Variants in WLS observed in about 807,000 individuals in gnomAD.
WLS encodes Wnt ligand secretion mediator, also known as protein wntless homolog.
WLS carries 23 observed loss-of-function variants against 62.8 expected under a neutral mutation model. The observed-to-expected ratio is 0.37, with a 90% CI of 0.26 to 0.52. The LOEUF (loss-of-function observed/expected upper bound fraction) is 0.52, where lower values mean the gene tolerates loss of function less well. WLS is among the 20% of genes least tolerant of loss of function. WLS has a pLI of 0.92. For missense variants in WLS, 615 were observed against 697.3 expected (o/e 0.88, Z 1.33); for synonymous variants, 246 against 244.1 (o/e 1.01, Z -0.07).
chr1:68,114,389 G>C (rs1007446049), intron 11 of WLS, among the ~76,000 whole-genome samples: 1 of 152,252 alleles, frequency 6.6e-6, no homozygotes, highest in South Asian at 2.1e-4. Context: ...GTCATTTCAT[G>C]GGCTATATAT....
At chr1:68,184,515 T>C (rs1206937921) in intron 2 of WLS, among the ~76,000 whole-genome samples, 2 of 152,220 alleles carry the variant, frequency 1.3e-5, no homozygotes, top group Admixed American at 1.3e-4. Flanking sequence ...TACCATCAGG[T>C]AAATAATCAT....
rs1325236247 is a variant in WLS at position 68,194,135 on chromosome 1, C to T, written c.199G>A (p.Gly67Arg). 3.1e-6 allele frequency: 5 copies of T among 1,614,126 alleles called. No individual in the cohort carries two copies. The highest frequency in any genetic ancestry group is 4.2e-6 in the Non-Finnish European group (5 of 1,180,032). The change falls in exon 2 of 12, where the codon GGA (glycine) becomes AGA (arginine). Residue 67 changes from glycine (G) to arginine (R), a missense_variant. Coordinates refer to ENST00000262348, the MANE Select transcript of WLS (RefSeq NM_024911.7). The stretch of plus-strand genomic sequence containing the variant: ...CGGATCTTGTCACAATGATTGGGTC[C>T]CCAAGGCACGAACCATTTTGTCTTG... ...HHKTKWFVPW[G>R]PNHCDKIRDI... is the part of the protein sequence containing the mutation.
intron 2 of WLS, among the ~76,000 whole-genome samples, chr1:68,182,713 T>C (rs1279721690): frequency 6.6e-6 from 1 of 152,190 alleles, no homozygotes; most frequent in Non-Finnish European, 1.5e-5. Flanking sequence ...GTCTCTGAGA[T>C]CTTTTTGATG....
In WLS at chr1:68,208,832, A is replaced by T. The variant is rs543141354; in HGVS notation, c.107-14605T>A. ...GATTGATGTCTTAGAAAGGCGTGTT[A>T]GGAGTGTGGGTCTAGAATGCATAAG... On this transcript the variant is annotated intron_variant, in intron 1 of 11. Coordinates refer to ENST00000262348, the MANE Select transcript of WLS (RefSeq NM_024911.7). Among the ~76,000 whole-genome samples the T allele has an allele frequency of 1.2e-4, 18 of 152,330 alleles. No homozygotes were observed. The South Asian group carries it at 3.5e-3, about 30-fold the overall frequency.
intron 8 of WLS, 85 bp from the exon 9 acceptor site, chr1:68,146,097 A>G: frequency 6.7e-7 from 1 of 1,485,050 alleles, no homozygotes; most frequent in South Asian, 1.3e-5. Flanking sequence ...GTCTGTTGGC[A>G]ATACTTGTTT....
At chr1:68,110,452 TC>T (rs1379847590) in intron 11 of WLS, among the ~76,000 whole-genome samples, 59 of 119,232 alleles carry the variant, frequency 4.9e-4, no homozygotes, top group African/African-American at 1.7e-3. Context: ...CTCAATAATT[TC>T]AGTGACATAT....
intron 1 of WLS, among the ~76,000 whole-genome samples, chr1:68,220,070 T>A (rs1191257891): frequency 6.6e-6 from 1 of 152,154 alleles, no homozygotes; most frequent in Non-Finnish European, 1.5e-5. Flanking sequence ...GCCCAGAATT[T>A]TAAAAGACAA....
At chr1:68,112,425 G>A (rs1557447542) in intron 11 of WLS, among the ~76,000 whole-genome samples, 2 of 152,150 alleles carry the variant, frequency 1.3e-5, no homozygotes, top group Admixed American at 6.6e-5. Flanking sequence ...TAAAGAATGG[G>A]CCCAGGTGTC....
At chr1:68,098,706 A>C in exon 12 of WLS, 2 of 1,613,844 alleles carry the variant, frequency 1.2e-6, no homozygotes, top group South Asian at 1.1e-5. Flanking sequence ...TAAAGTTCCG[A>C]AACAAACAAA....
At chr1:68,200,640 C>T (rs2100623906) in intron 1 of WLS, among the ~76,000 whole-genome samples, 1 of 151,162 alleles carries the variant, frequency 6.6e-6, no homozygotes, top group South Asian at 2.1e-4. Flanking sequence ...ACTTTTGAAG[C>T]AATAGCTGAA....
chr1:68,126,710 C>T (rs1484583331), intron 11 of WLS, among the ~76,000 whole-genome samples: 8 of 152,150 alleles, frequency 5.3e-5, no homozygotes, highest in South Asian at 2.1e-4. Flanking sequence ...GCAGTATGAA[C>T]GTGCCAGCCT....
downstream of WLS, among the ~76,000 whole-genome samples, chr1:68,120,387 T>A (rs1646348761): frequency 6.6e-6 from 1 of 152,184 alleles, no homozygotes; most frequent in African/African-American, 2.4e-5. Flanking sequence ...GTGAAGAGCT[T>A]GTTTTTAAGG....
chr1:68,123,339 G>A (rs556989771), downstream of WLS, among the ~76,000 whole-genome samples: 2 of 151,716 alleles, frequency 1.3e-5, no homozygotes, highest in African/African-American at 2.4e-5. Context: ...TTATGAATCT[G>A]GTTCTTTCTT....
intron 11 of WLS, among the ~76,000 whole-genome samples, chr1:68,130,568 A>G (rs1233549189): frequency 2.0e-5 from 3 of 152,220 alleles, no homozygotes; most frequent in Non-Finnish European, 2.9e-5. Flanking sequence ...TTCAAATGAT[A>G]ACTTTTTGTA....
intron 5 of WLS, among the ~76,000 whole-genome samples, chr1:68,153,103 A>G (rs983884862): frequency 5.3e-5 from 8 of 152,112 alleles, no homozygotes. Context: ...ACATAGGGAA[A>G]CCCTGTCTCT....
chr1:68,142,114 A>G lies in WLS; in HGVS notation c.1362+2455T>C, dbSNP rs1046524819. Among the ~76,000 whole-genome samples, 3 of 152,236 alleles carry G rather than the reference A, an allele frequency of 2.0e-5. No individual in the cohort carries two copies. In the South Asian group the frequency reaches 6.2e-4, roughly 31 times the overall value. On this transcript the variant is annotated intron_variant, in intron 10 of 11. Coordinates refer to ENST00000262348, the MANE Select transcript of WLS (RefSeq NM_024911.7). ...GATGGCTTCCTTTGCTATAAGAAGT[A>G]CACTAATTAAACATGTACAAGGTTA... is the stretch of plus-strand genomic sequence containing the variant.
chr1:68,183,114 A>G (rs1226113879), intron 2 of WLS, among the ~76,000 whole-genome samples: 2 of 151,506 alleles, frequency 1.3e-5, no homozygotes, highest in Admixed American at 1.3e-4. Flanking sequence ...CTGGTCTTGA[A>G]CTCCTGACCT....
intron 11 of WLS, among the ~76,000 whole-genome samples, chr1:68,103,937 T>C (rs934581579): frequency 1.3e-5 from 2 of 152,130 alleles, no homozygotes; most frequent in Non-Finnish European, 2.9e-5. Flanking sequence ...AGGGGACAAT[T>C]TTCCTCCTTG....
chr1:68,156,298 G>A (rs970482286), intron 3 of WLS, among the ~76,000 whole-genome samples: 2 of 152,112 alleles, frequency 1.3e-5, no homozygotes, highest in South Asian at 2.1e-4. Context: ...CTAATTTGTC[G>A]TTCCTAAGCC....
Sources: gnomAD v4.1 joint callset for allele counts (sites outside exome capture counted in the v4.1 genomes callset) on GRCh38, gnomAD v4.1.1 for gene constraint, MANE v1.5 for transcripts, NCBI Gene and HGNC (gene_info 2026-07-23, HGNC 2026-07-21) for gene names.